IMPA2: variants seen among roughly 807,000 people sequenced by gnomAD.
IMPA2 encodes the protein inositol monophosphatase 2, also known as IMP 2.
A neutral mutation model predicts 35.1 loss-of-function variants in IMPA2; 32 were observed. That is an observed-to-expected ratio of 0.91 (90% CI 0.69 to 1.23). The LOEUF is 1.23. Among genes scored for constraint, IMPA2 ranks in the 50% most tolerant of loss-of-function variants. The pLI is 0.00. For synonymous variants in IMPA2, 135 were observed against 160.6 expected, an observed-to-expected ratio of 0.84 and a Z score of 1.20; for missense variants, 334 against 387.6, an observed-to-expected ratio of 0.86 and a Z score of 1.16.
chr18:11,990,724 G>A (rs980975502), intron 1 of IMPA2, among the ~76,000 whole-genome samples: 1 of 125,906 alleles, frequency 7.9e-6, no homozygotes, highest in African/African-American at 3.6e-5. Context: ...AGAAATGTGA[G>A]CTGGAGAGGG....
intron 5 of IMPA2, among the ~76,000 whole-genome samples, chr18:12,015,805 G>A (rs1907561656): frequency 6.6e-6 from 1 of 152,362 alleles, no homozygotes; most frequent in South Asian, 2.1e-4. Context: ...TGTGTAACTG[G>A]TGGTGAGGAA....
At position 12,012,162 on chromosome 18, in the gene IMPA2, C is replaced by A. The variant is rs919886658; in HGVS notation, c.336-8C>A. 1 of 1,614,106 alleles carries A rather than the reference C, an allele frequency of 6.2e-7. No individual in the cohort carries two copies. Among genetic ancestry groups the A allele is most frequent in the Admixed American group, 1.7e-5 (1 of 60,022 alleles). The stretch of plus-strand genomic sequence containing the variant: ...CCAGAGAGTAAACCTTTCTATTTTC[C>A]TTTGCAGATTCCCGACTGTGGCGGT... On this transcript the variant is annotated splice_polypyrimidine_tract_variant and splice_region_variant and intron_variant, in intron 3 of 7. Coordinates refer to ENST00000269159, the MANE Select transcript of IMPA2 (RefSeq NM_014214.3).
intron 1 of IMPA2, chr18:11,993,841 G>C (rs1049208739): frequency 1.3e-5 from 2 of 152,520 alleles, no homozygotes; most frequent in African/African-American, 4.8e-5. Context: ...CTTGAGCCTG[G>C]CATGGGGCAT....
chr18:12,016,123 C>T (rs1221354490), intron 5 of IMPA2, among the ~76,000 whole-genome samples: 1 of 152,214 alleles, frequency 6.6e-6, no homozygotes, highest in Non-Finnish European at 1.5e-5. Context: ...GGATAAAATG[C>T]ATAGCAGATA....
chr18:11,999,117 G>A lies in IMPA2; in HGVS notation c.160G>A (p.Val54Met). 1 of 1,613,786 alleles carries A rather than the reference G, an allele frequency of 6.2e-7. No individual in the cohort carries two copies. The highest frequency in any genetic ancestry group is 8.5e-7 in the Non-Finnish European group (1 of 1,179,754). Residue 54 changes from valine to methionine, a missense_variant, in exon 2 of 8, where the codon GTG (valine) becomes ATG (methionine). Coordinates refer to ENST00000269159, the MANE Select transcript of IMPA2 (RefSeq NM_014214.3). ...VSTKTSAADL[V>M]TETDHLVEDL... ...AACAAAAACATCAGCTGCAGATCTTGTGACAGAAACAGATCACCTTGTGGA... is the reference window on the plus strand; with the variant it reads ...AACAAAAACATCAGCTGCAGATCTTATGACAGAAACAGATCACCTTGTGGA...
intron 2 of IMPA2, among the ~76,000 whole-genome samples, chr18:12,001,170 A>C (rs967429691): frequency 4.6e-5 from 7 of 152,026 alleles, no homozygotes; most frequent in Non-Finnish European, 1.0e-4. Context: ...CGGAGGTTGC[A>C]GTGAGCCGAG....
intron 2 of IMPA2, among the ~76,000 whole-genome samples, chr18:12,005,677 A>G (rs1568032060): frequency 6.6e-6 from 1 of 152,164 alleles, no homozygotes; most frequent in South Asian, 2.1e-4. Context: ...CATCTGGCGA[A>G]TGAACAGACA....
chr18:12,003,488 A>G (rs1049865058), intron 2 of IMPA2, among the ~76,000 whole-genome samples: 1 of 152,086 alleles, frequency 6.6e-6, no homozygotes, highest in African/African-American at 2.4e-5. Flanking sequence ...TCTACTAAAA[A>G]TAGGAAAACA....
intron 2 of IMPA2, among the ~76,000 whole-genome samples, chr18:12,009,678 T>G (rs1303866170): frequency 1.3e-5 from 2 of 152,224 alleles, no homozygotes; most frequent in Admixed American, 1.3e-4. Context: ...TCACTCTGTT[T>G]TCTAAATCCT....
At chr18:12,016,755 A>C (rs1024095296) in intron 5 of IMPA2, among the ~76,000 whole-genome samples, 12 of 152,176 alleles carry the variant, frequency 7.9e-5, no homozygotes, top group Non-Finnish European at 1.8e-4. Flanking sequence ...GAACTCGAGC[A>C]AGTTCCTTAA....
At chr18:11,998,481 C>G (rs1205917217) in intron 1 of IMPA2, among the ~76,000 whole-genome samples, 1 of 152,194 alleles carries the variant, frequency 6.6e-6, no homozygotes, top group Non-Finnish European at 1.5e-5. Flanking sequence ...GCCATGGTTC[C>G]TGAAACACAG....
chr18:12,015,400 G>T (rs980935211), intron 5 of IMPA2, among the ~76,000 whole-genome samples: 5 of 152,220 alleles, frequency 3.3e-5, no homozygotes, highest in Non-Finnish European at 5.9e-5. Context: ...GCTGATGCCT[G>T]TGTGCCCAGA....
At chr18:11,996,842 CCCACA>C (rs1906970997) in intron 1 of IMPA2, among the ~76,000 whole-genome samples, 1 of 152,034 alleles carries the variant, frequency 6.6e-6, no homozygotes, top group South Asian at 2.1e-4. Flanking sequence ...TCCCCACAAC[CCCACA>C]CCACACCAAC....
intron 5 of IMPA2, among the ~76,000 whole-genome samples, chr18:12,026,648 CA>C (rs1434758822): frequency 5.3e-5 from 8 of 152,130 alleles, no homozygotes; most frequent in African/African-American, 1.9e-4. Context: ...GAAAAAATAC[CA>C]TCTGTTTGTG....
chr18:12,028,539 GACCACTGAC>G, intron 6 of IMPA2: 1 of 455,916 alleles, frequency 2.2e-6, no homozygotes, highest in Admixed American at 3.7e-5. Flanking sequence ...AGCCATGTGA[GACCACTGAC>G]ACTTAATGTC....
chr18:12,020,174 T>G, intron 5 of IMPA2, among the ~76,000 whole-genome samples: 1 of 148,786 alleles, frequency 6.7e-6, no homozygotes, highest in African/African-American at 2.5e-5. Flanking sequence ...CACTCGGCCT[T>G]TATTTATTGA....
rs1906821886 is a variant in IMPA2, at chr18:11,991,805, CTGAT to C, written c.97-7247_97-7244del. Among the ~76,000 whole-genome samples, 2 of 152,110 alleles carry C rather than the reference CTGAT, an allele frequency of 1.3e-5. No homozygotes were observed. Among genetic ancestry groups the C allele is most frequent in the South Asian group, 4.2e-4 (2 of 4,808 alleles). On this transcript the variant is annotated intron_variant, in intron 1 of 7. Transcript: ENST00000269159. The surrounding 1 kb of genome is among the most constrained non-coding windows in gnomAD (Gnocchi z 4.1). ...ACAGGAAGGAGAGGGATCTACTTTC[CTGAT>C]TAAGATGCTGATGCCCTCGCAGAAA...
intron 1 of IMPA2, among the ~76,000 whole-genome samples, chr18:11,990,931 C>G (rs566525920): frequency 6.6e-6 from 1 of 152,304 alleles, no homozygotes; most frequent in African/African-American, 2.4e-5. Context: ...CTCAGAGTTA[C>G]TGTGTGGAAT....
At chr18:11,998,383 G>A (rs1907018101) in intron 1 of IMPA2, among the ~76,000 whole-genome samples, 1 of 152,158 alleles carries the variant, frequency 6.6e-6, no homozygotes, top group Non-Finnish European at 1.5e-5. Flanking sequence ...CACAGCTGCG[G>A]AGCCTGTGTC....
Sources: gnomAD v4.1 joint callset for allele counts (sites outside exome capture counted in the v4.1 genomes callset) on GRCh38, gnomAD v4.1.1 for gene constraint, Gnocchi (gnomAD v3.1) non-coding constraint, MANE v1.5 for transcripts, NCBI Gene and HGNC (gene_info 2026-07-23, HGNC 2026-07-21) for gene names.